The following MYO1F variants were observed in gnomAD, a reference collection of about 807,000 sequenced individuals.
MYO1F encodes myosin IF.
Under a neutral mutation model 146.6 loss-of-function variants are expected in MYO1F, and 60 were observed. That is an observed-to-expected ratio of 0.41 (90% CI 0.33 to 0.51). The LOEUF is 0.51. Among genes scored for constraint, MYO1F ranks in the 20% least tolerant of loss-of-function variants. MYO1F has a pLI of 0.25. For synonymous variants in MYO1F, 602 were observed against 602.1 expected (o/e 1.00, Z 0.00); for missense variants, 1,274 against 1,534.3 (o/e 0.83, Z 2.83).
In MYO1F at chr19:8,536,327, C is replaced by G. The variant is rs1972710327; in HGVS notation, c.1968G>C (p.Leu656=). 4.4e-6 allele frequency: 7 copies of G among 1,608,060 alleles called. No homozygotes were observed. The highest frequency in any genetic ancestry group is 1.7e-5 in the Admixed American group (1 of 59,958). ...CGGGCTCCATGTTGACCGCCCGAAG[C>G]AGGTGCTGGACGCCCTGGCGTTCGT... is the stretch of plus-strand genomic sequence containing the variant. The part of the protein sequence containing the change: ...RGDERQGVQH[L]LRAVNMEPDQ... Residue 656 remains leucine, a synonymous_variant, in exon 19 of 28, where the codon CTG becomes CTC. Transcript: ENST00000644032.
At chr19:8,565,926 CA>C (rs938726798) in intron 1 of MYO1F, among the ~76,000 whole-genome samples, 2 of 146,578 alleles carry the variant, frequency 1.4e-5, no homozygotes, top group Admixed American at 6.8e-5. Flanking sequence ...CCCATCTCTG[CA>C]AAAAAAAATA....
In MYO1F at chr19:8,550,278, CT is replaced by C; in HGVS notation, c.982del (p.Ser328AlafsTer12). The C allele has an allele frequency of 6.2e-7, 1 of 1,614,196 alleles. No homozygotes were observed. The highest frequency in any genetic ancestry group is 8.5e-7 in the Non-Finnish European group (1 of 1,180,050). ...QEKLTSRKMD[S>X]RWGGRSESIN... ...GGACTCGCTGCGCCCGCCCCAGCGG[CT>C]GTCCATCTTGCGGCTGGTCAGCTTC... On this transcript the variant is annotated frameshift_variant, in exon 10 of 28. Transcript: ENST00000644032. LOFTEE classifies it high-confidence loss of function.
intron 10 of MYO1F, among the ~76,000 whole-genome samples, chr19:8,549,190 G>T (rs769996557): frequency 8.5e-4 from 129 of 151,988 alleles, no homozygotes; most frequent in Non-Finnish European, 8.2e-4. Context: ...GACCTTGGGT[G>T]ATCTGCCCGC....
rs1973568773 is a variant in MYO1F at position 8,550,709 on chromosome 19, G to GGGCAGA, written c.772-21_772-16dup. On this transcript the variant is annotated splice_polypyrimidine_tract_variant and intron_variant, in intron 8 of 27. Coordinates refer to ENST00000644032, the MANE Select transcript of MYO1F (RefSeq NM_012335.4). Reference sequence around the variant, plus strand: ...TGCATAGCACTCTGTGGTACAACGGGGGCAGAAACTGTGCCGTGAATCCTG... The same window carrying GGGCAGA: ...TGCATAGCACTCTGTGGTACAACGGGGGCAGAGGCAGAAACTGTGCCGTGAATCCTG... 2 of 1,613,592 alleles carry GGGCAGA rather than the reference G, an allele frequency of 1.2e-6. No homozygotes were observed. Among genetic ancestry groups the GGGCAGA allele is most frequent in the African/African-American group, 2.7e-5 (2 of 74,898 alleles).
chr19:8,522,603 C>G (rs997215193), intron 26 of MYO1F, 31 bp downstream of exon 26: 2 of 1,609,208 alleles, frequency 1.2e-6, no homozygotes, highest in African/African-American at 2.7e-5. Context: ...CCCCTGCCCA[C>G]CTCCTGGAGC....
intron 24 of MYO1F, among the ~76,000 whole-genome samples, chr19:8,525,854 C>G (rs1203766563): frequency 1.3e-5 from 2 of 152,220 alleles, no homozygotes; most frequent in African/African-American, 4.8e-5. Context: ...TTCTCGCCCC[C>G]GCATTGGTCA....
chr19:8,569,935 G>T (rs942058560), intron 1 of MYO1F, among the ~76,000 whole-genome samples: 27 of 152,126 alleles, frequency 1.8e-4, no homozygotes, highest in African/African-American at 6.5e-4. Context: ...TTTTTGGACA[G>T]AGTCTTGTTC....
intron 1 of MYO1F, among the ~76,000 whole-genome samples, chr19:8,557,646 C>G (rs1040000593): frequency 6.6e-6 from 1 of 152,112 alleles, no homozygotes; most frequent in Non-Finnish European, 1.5e-5. Context: ...GTCACTCCAC[C>G]TAGTACCCCT....
Position 8,526,830 on chromosome 19 carries a change from C to T in MYO1F, c.2580G>A (p.Glu860=), listed in dbSNP as rs1972292182. 1 of 1,613,636 alleles carries T rather than the reference C, an allele frequency of 6.2e-7. No individual in the cohort carries two copies. The highest frequency in any genetic ancestry group is 8.5e-7 in the Non-Finnish European group (1 of 1,179,920). The change falls in exon 23 of 28, where the codon GAG becomes GAA. Residue 860 remains glutamate, a synonymous_variant. Coordinates refer to ENST00000644032, the MANE Select transcript of MYO1F (RefSeq NM_012335.4). ...EFVSLLCKRF[E]EATRRPLPLT... is the part of the protein sequence containing the mutation. ...GGGGCAGGGGCCTCCGCGTCGCCTC[C>T]TCGAAGCGCTTGCACAGAAGGCTGA...
At chr19:8,547,932 G>A (rs533864833) in intron 12 of MYO1F, 104 bp downstream of exon 12, 8 of 1,106,332 alleles carry the variant, frequency 7.2e-6, no homozygotes, top group African/African-American at 4.6e-5. Flanking sequence ...GTGGGAACGC[G>A]GTGGGGAGGG....
At chr19:8,527,528 G>A in intron 21 of MYO1F, 45 bp from the exon 22 acceptor site, 1 of 1,606,564 alleles carries the variant, frequency 6.2e-7, no homozygotes, top group African/African-American at 1.3e-5. Flanking sequence ...AGCCTGGCCA[G>A]CCTGGCCACA....
chr19:8,546,574 G>A (rs1360053613), intron 12 of MYO1F, among the ~76,000 whole-genome samples: 3 of 151,976 alleles, frequency 2.0e-5, no homozygotes, highest in African/African-American at 7.2e-5. Context: ...TGTCCAGGCT[G>A]GCTTTGAACC....
chr19:8,542,139 G>C lies in MYO1F; in HGVS notation c.1525-148C>G, dbSNP rs530278950. 82 of 689,460 alleles carry C rather than the reference G, an allele frequency of 1.2e-4. 1 individual carries two copies. The East Asian group carries it at 2.1e-3, about 18-fold the overall frequency. The allele number at this position is 689,460 out of a possible 1,614,324, so 42.7% of individuals were successfully genotyped here. On this transcript the variant is annotated intron_variant, in intron 14 of 27. Coordinates refer to ENST00000644032, the MANE Select transcript of MYO1F (RefSeq NM_012335.4). The stretch of plus-strand genomic sequence containing the variant: ...AGGCAGTGTCTACAGCGCTGGCTGG[G>C]GGGTATCTACAGTTCAGAATAGGGG...
intron 12 of MYO1F, among the ~76,000 whole-genome samples, chr19:8,547,487 C>T (rs1256030305): frequency 1.3e-5 from 2 of 151,346 alleles, no homozygotes; most frequent in Non-Finnish European, 2.9e-5. Flanking sequence ...GCCTGTAGTC[C>T]CAGCTGCTCG....
intron 1 of MYO1F, among the ~76,000 whole-genome samples, chr19:8,562,731 C>G (rs1402471953): frequency 6.6e-6 from 1 of 151,514 alleles, no homozygotes; most frequent in African/African-American, 2.4e-5. Flanking sequence ...ATGGGGTCTC[C>G]CTATGTTGCC....
intron 24 of MYO1F, among the ~76,000 whole-genome samples, chr19:8,525,775 C>T (rs1300239174): frequency 6.6e-6 from 1 of 152,206 alleles, no homozygotes; most frequent in African/African-American, 2.4e-5. Context: ...TTTGGGCCCG[C>T]CCACTTTAGG....
intron 1 of MYO1F, among the ~76,000 whole-genome samples, chr19:8,567,181 C>T (rs1174319208): frequency 6.6e-6 from 1 of 151,594 alleles, no homozygotes; most frequent in Non-Finnish European, 1.5e-5. Context: ...AATTCTCTGC[C>T]TCATCCTCTC....
chr19:8,538,641 G>A (rs1972831095), intron 16 of MYO1F, among the ~76,000 whole-genome samples: 1 of 148,536 alleles, frequency 6.7e-6, no homozygotes, highest in South Asian at 2.1e-4. Flanking sequence ...AGGCTAAAGT[G>A]CCAGGGTGCA....
rs1179304551 is a variant in MYO1F at position 8,526,536 on chromosome 19, C to T, written c.2687G>A (p.Arg896His). The T allele has an allele frequency of 6.3e-7, 1 of 1,592,418 alleles. No individual in the cohort carries two copies. Among genetic ancestry groups the T allele is most frequent in the South Asian group, 1.1e-5 (1 of 87,026 alleles). Residue 896 changes from arginine to histidine, a missense_variant, in exon 24 of 28, where the codon CGC becomes CAC. By Grantham distance (29) the Arg-to-His change is conservative. This residue lies in a region of MYO1F where 374 missense variants were observed against 379.2 expected (regional missense o/e 0.99). Coordinates refer to ENST00000644032, the MANE Select transcript of MYO1F (RefSeq NM_012335.4). ...GGGTRSVTFS[R>H]GFGDLAVLKV... ...GAGCACTGCCAAGTCGCCGAAGCCGCGGGAGAAGGTGACGCTGCGGGTGCC... is the reference window on the plus strand; with the variant it reads ...GAGCACTGCCAAGTCGCCGAAGCCGTGGGAGAAGGTGACGCTGCGGGTGCC...
Sources: allele counts gnomAD v4.1 joint callset (sites outside exome capture counted in the v4.1 genomes callset), GRCh38; gene constraint gnomAD v4.1.1; regional missense constraint gnomAD v4.1.1; transcripts MANE v1.5; gene names NCBI Gene and HGNC (gene_info 2026-07-23, HGNC 2026-07-21).